SNTG1: variants seen among roughly 807,000 people sequenced by gnomAD.
SNTG1 encodes gamma-1-syntrophin.
SNTG1 carries 39 observed loss-of-function variants against 74.7 expected under a neutral mutation model. That is an observed-to-expected ratio of 0.52 (90% CI 0.40 to 0.68). The LOEUF (loss-of-function observed/expected upper bound fraction) is 0.68, where lower values mean the gene tolerates loss of function less well. Among genes scored for constraint, SNTG1 ranks in the 30% least tolerant of loss-of-function variants. The probability of loss-of-function intolerance (pLI) is 0.00; values close to 1 mark genes in which losing one functional copy is unlikely to be tolerated. For synonymous variants in SNTG1, 254 were observed against 217.1 expected (o/e 1.17, Z -1.49); for missense variants, 685 against 609.5 (o/e 1.12, Z -1.30).
rs1264283807 is a variant in SNTG1 at position 50,763,902 on chromosome 8, CACACAA to C, written c.1395+11793_1395+11798del. Among the ~76,000 whole-genome samples, 440 of 83,842 alleles carry C rather than the reference CACACAA, an allele frequency of 5.2e-3. 10 individuals are homozygous for C. Among genetic ancestry groups the C allele is most frequent in the African/African-American group, 0.036 (345 of 9,674 alleles). 55.0% of individuals were successfully genotyped at this position (83,842 alleles called of 152,430 possible). ...ACACACACACACACACACACACACA[CACACAA>C]AAATAACCAAGGCAATTCCTATACA... On this transcript the variant is annotated intron_variant, in intron 18 of 18. Coordinates refer to ENST00000642720, the MANE Select transcript of SNTG1 (RefSeq NM_018967.5).
intron 2 of SNTG1, among the ~76,000 whole-genome samples, chr8:50,298,332 G>C (rs2089486717): frequency 6.6e-6 from 1 of 152,150 alleles, no homozygotes; most frequent in South Asian, 2.1e-4. Flanking sequence ...GGCTTCTGGA[G>C]AGTATATTTA....
intron 1 of SNTG1, among the ~76,000 whole-genome samples, chr8:50,147,653 G>T (rs2081918475): frequency 1.3e-5 from 2 of 152,262 alleles, no homozygotes; most frequent in South Asian, 4.1e-4. Context: ...GGATGGTGGG[G>T]ATTGACTTTG....
intron 1 of SNTG1, among the ~76,000 whole-genome samples, chr8:49,935,523 C>A (rs796971112): frequency 0.036 from 2,641 of 73,826 alleles, 28 homozygotes; most frequent in African/African-American, 0.075. Flanking sequence ...AGATGTAAAC[C>A]AAAAAAAAAA....
At chr8:50,674,402 G>A (rs949105902) in intron 15 of SNTG1, among the ~76,000 whole-genome samples, 6 of 151,900 alleles carry the variant, frequency 3.9e-5, no homozygotes, top group Non-Finnish European at 8.8e-5. Flanking sequence ...TTTAGTCTTG[G>A]GAGGGTGTAT....
intron 2 of SNTG1, among the ~76,000 whole-genome samples, chr8:50,354,674 G>A (rs895372912): frequency 2.0e-5 from 3 of 152,124 alleles, no homozygotes; most frequent in Non-Finnish European, 4.4e-5. Context: ...CAGTTTCCAC[G>A]TGTAAGGAGT....
intron 2 of SNTG1, among the ~76,000 whole-genome samples, chr8:50,322,684 G>A (rs1418748655): frequency 1.3e-5 from 2 of 151,512 alleles, no homozygotes; most frequent in Non-Finnish European, 2.9e-5. Context: ...GCCCTTTTGG[G>A]GTTATTTTCT....
chr8:49,953,548 G>A (rs893937431), intron 1 of SNTG1, among the ~76,000 whole-genome samples: 1 of 152,152 alleles, frequency 6.6e-6, no homozygotes, highest in African/African-American at 2.4e-5. Flanking sequence ...GGCACAGAGA[G>A]TAAAATATTT....
intron 8 of SNTG1, among the ~76,000 whole-genome samples, chr8:50,468,360 C>G (rs1005502227): frequency 6.6e-6 from 1 of 151,972 alleles, no homozygotes; most frequent in Non-Finnish European, 1.5e-5. Flanking sequence ...ACTGGTTTAT[C>G]TTACTTAATT....
intron 12 of SNTG1, among the ~76,000 whole-genome samples, chr8:50,568,687 T>C (rs1233499968): frequency 6.6e-6 from 1 of 152,196 alleles, no homozygotes; most frequent in African/African-American, 2.4e-5. Context: ...CTGATTTTTT[T>C]AGTTGAGTTA....
At chr8:50,453,581 T>C (rs2093475595) in intron 8 of SNTG1, among the ~76,000 whole-genome samples, 1 of 152,194 alleles carries the variant, frequency 6.6e-6, no homozygotes, top group Non-Finnish European at 1.5e-5. Context: ...GTGAACGGAA[T>C]GAACTAAACT....
At chr8:50,384,372 G>A (rs1311037973) in intron 2 of SNTG1, among the ~76,000 whole-genome samples, 1 of 152,166 alleles carries the variant, frequency 6.6e-6, no homozygotes, top group African/African-American at 2.4e-5. Flanking sequence ...AGTTAATAAG[G>A]CATTCTGTAA....
chr8:50,659,015 C>A (rs1259955301), intron 15 of SNTG1, among the ~76,000 whole-genome samples: 1 of 150,874 alleles, frequency 6.6e-6, no homozygotes, highest in Admixed American at 6.6e-5. Flanking sequence ...TTTTTTAATT[C>A]TTTTTTTCTG....
At chr8:50,031,744 C>T (rs986755862) in intron 1 of SNTG1, among the ~76,000 whole-genome samples, 1 of 151,908 alleles carries the variant, frequency 6.6e-6, no homozygotes, top group Non-Finnish European at 1.5e-5. Flanking sequence ...ATTTTGTTAA[C>T]AATTTTTTAT....
intron 2 of SNTG1, among the ~76,000 whole-genome samples, chr8:50,286,048 T>C (rs2088761293): frequency 1.3e-5 from 2 of 152,186 alleles, no homozygotes; most frequent in Non-Finnish European, 2.9e-5. Context: ...TATTCTAACA[T>C]TATATACACA....
intron 4 of SNTG1, among the ~76,000 whole-genome samples, chr8:50,433,481 T>G (rs2093265213): frequency 8.5e-6 from 1 of 117,942 alleles, no homozygotes; most frequent in African/African-American, 6.2e-5. Flanking sequence ...AGTTTTCTGT[T>G]TTTTTTTTTT....
At chr8:50,290,524 A>G (rs976134241) in intron 2 of SNTG1, among the ~76,000 whole-genome samples, 44 of 152,128 alleles carry the variant, frequency 2.9e-4, no homozygotes, top group Non-Finnish European at 6.0e-4. Context: ...TTTGGCAAAT[A>G]CCTAATACTT....
intron 15 of SNTG1, among the ~76,000 whole-genome samples, chr8:50,676,847 A>C (rs2095311493): frequency 6.6e-6 from 1 of 152,014 alleles, no homozygotes; most frequent in African/African-American, 2.4e-5. Flanking sequence ...TTCTAAAACA[A>C]TGCAAGATTA....
At chr8:50,704,079 T>G (rs537524127) in intron 15 of SNTG1, among the ~76,000 whole-genome samples, 1 of 151,370 alleles carries the variant, frequency 6.6e-6, no homozygotes, top group South Asian at 2.2e-4. Flanking sequence ...TTTGATACAA[T>G]GAAATACAGT....
chr8:50,718,768 A>G (rs1400415743), intron 17 of SNTG1, among the ~76,000 whole-genome samples: 1 of 152,242 alleles, frequency 6.6e-6, no homozygotes, highest in Non-Finnish European at 1.5e-5. Context: ...ATTAAATTCC[A>G]GAAGTCATAT....
Sources: gnomAD v4.1 joint callset for allele counts (sites outside exome capture counted in the v4.1 genomes callset) on GRCh38, gnomAD v4.1.1 for gene constraint, MANE v1.5 for transcripts, NCBI Gene and HGNC (gene_info 2026-07-23, HGNC 2026-07-21) for gene names.